FBXW4: variants seen among roughly 807,000 people sequenced by gnomAD.
FBXW4 encodes the protein F-box/WD repeat-containing protein 4.
Under a neutral mutation model 61.8 loss-of-function variants are expected in FBXW4, and 40 were observed. The ratio of observed to expected loss-of-function variants is 0.65; its 90% confidence interval spans 0.50 to 0.84. FBXW4 has a LOEUF of 0.84. Among genes scored for constraint, FBXW4 ranks in the 40% least tolerant of loss-of-function variants. The pLI is 0.00. For synonymous variants in FBXW4, 311 were observed against 313.8 expected, an observed-to-expected ratio of 0.99 and a Z score of 0.10; for missense variants, 672 against 753.8, an observed-to-expected ratio of 0.89 and a Z score of 1.27.
chr10:101,694,296 G>T lies in FBXW4; in HGVS notation c.725+85C>A. On this transcript the variant is annotated intron_variant, in intron 1 of 8. Transcript: ENST00000331272. The surrounding 1 kb of genome is among the most constrained non-coding windows in gnomAD (Gnocchi z 6.0). ...AAACTCGGGGTGCGACACGACCCTG[G>T]GCCGACCAGGCCGCGGCGCCCCGCC... The T allele has an allele frequency of 1.6e-6, 2 of 1,273,680 alleles. No homozygotes were observed. The highest frequency in any genetic ancestry group is 2.0e-5 in the South Asian group (1 of 49,222). 78.9% of individuals were successfully genotyped at this position (1,273,680 alleles called of 1,614,324 possible). A position where few individuals can be genotyped will look rare whatever the true frequency, so the allele number is the denominator to read the frequency against.
chr10:101,622,128 A>C (rs1208539039), intron 6 of FBXW4, among the ~76,000 whole-genome samples: 2 of 151,292 alleles, frequency 1.3e-5, no homozygotes, highest in African/African-American at 2.4e-5. Flanking sequence ...AAAAATTTTG[A>C]AAAGACTGAC....
chr10:101,627,391 A>T (rs1467163328), intron 5 of FBXW4, among the ~76,000 whole-genome samples: 2 of 152,172 alleles, frequency 1.3e-5, no homozygotes, highest in Non-Finnish European at 1.5e-5. Flanking sequence ...ATAGTCAAGC[A>T]GATTTTGAGC....
chr10:101,680,022 T>C (rs1453679866), intron 1 of FBXW4, among the ~76,000 whole-genome samples: 3 of 152,192 alleles, frequency 2.0e-5, no homozygotes, highest in African/African-American at 7.2e-5. Flanking sequence ...TCATTTAGGA[T>C]AATGGCCTCC....
At position 101,693,758 on chromosome 10, in the gene FBXW4, T is replaced by C. The variant is rs924087032; in HGVS notation, c.725+623A>G. 1.5e-4 allele frequency among the ~76,000 whole-genome samples: 23 copies of C among 152,088 alleles called. 1 individual carries two copies. Among genetic ancestry groups the C allele is most frequent in the Admixed American group, 4.6e-4 (7 of 15,276 alleles). ...CAGACCCTACCAAAAACAGGCCAAA[T>C]TGCAATACCATGTCTTGTACACATC... On this transcript the variant is annotated intron_variant, in intron 1 of 8. Coordinates refer to ENST00000331272, the MANE Select transcript of FBXW4 (RefSeq NM_022039.4).
intron 6 of FBXW4, among the ~76,000 whole-genome samples, chr10:101,621,050 C>G (rs984202446): frequency 3.3e-5 from 5 of 152,188 alleles, no homozygotes; most frequent in African/African-American, 1.2e-4. Context: ...GTGTGTCATC[C>G]TGGGCCCAGG....
At chr10:101,643,780 AAGG>A (rs2064073455) in intron 5 of FBXW4, among the ~76,000 whole-genome samples, 1 of 152,188 alleles carries the variant, frequency 6.6e-6, no homozygotes, top group South Asian at 2.1e-4. Flanking sequence ...CAATGAGTGG[AAGG>A]AGGAGAAACA....
intron 5 of FBXW4, among the ~76,000 whole-genome samples, chr10:101,642,981 C>G (rs1454666862): frequency 6.6e-6 from 1 of 152,188 alleles, no homozygotes; most frequent in African/African-American, 2.4e-5. Context: ...AACTTCCCTC[C>G]CTGCCATCCT....
intron 6 of FBXW4, among the ~76,000 whole-genome samples, chr10:101,615,225 G>C (rs2063817306): frequency 6.6e-6 from 1 of 152,118 alleles, no homozygotes; most frequent in Non-Finnish European, 1.5e-5. Flanking sequence ...TGCACAGCTT[G>C]TGTGGGAACA....
At chr10:101,612,647 G>A (rs2063797546) in intron 6 of FBXW4, among the ~76,000 whole-genome samples, 170 bp from the exon 7 acceptor site, 1 of 151,998 alleles carries the variant, frequency 6.6e-6, no homozygotes, top group African/African-American at 2.4e-5. Flanking sequence ...CCTCACCCCT[G>A]CCATGAGGCC....
At chr10:101,625,265 G>A (rs1180865830) in intron 5 of FBXW4, 1 of 191,854 alleles carries the variant, frequency 5.2e-6, no homozygotes, top group Non-Finnish European at 1.1e-5. Context: ...GGGCATTCCT[G>A]AAGGTTTTAA....
At chr10:101,639,807 A>T (rs1017009785) in intron 5 of FBXW4, among the ~76,000 whole-genome samples, 3 of 152,256 alleles carry the variant, frequency 2.0e-5, no homozygotes, top group Non-Finnish European at 4.4e-5. Context: ...GGATAAAGCC[A>T]TGGCAGCACT....
chr10:101,642,351 G>C (rs1475600407), intron 5 of FBXW4, among the ~76,000 whole-genome samples: 1 of 150,846 alleles, frequency 6.6e-6, no homozygotes, highest in East Asian at 1.9e-4. Context: ...AAGAGTTCAA[G>C]ACCAACCTGG....
chr10:101,634,105 T>G (rs2063981583), intron 5 of FBXW4, among the ~76,000 whole-genome samples: 1 of 151,138 alleles, frequency 6.6e-6, no homozygotes, highest in Non-Finnish European at 1.5e-5. Context: ...AGAGCAAGAC[T>G]CCGTCTCAAA....
At chr10:101,691,064 G>A (rs1324498269) in intron 1 of FBXW4, among the ~76,000 whole-genome samples, 1 of 151,898 alleles carries the variant, frequency 6.6e-6, no homozygotes, top group Admixed American at 6.6e-5. Flanking sequence ...TAAAACCTAG[G>A]GCCAGTGAGG....
chr10:101,692,746 C>CAAAA (rs61631625), intron 1 of FBXW4, among the ~76,000 whole-genome samples: 26 of 85,136 alleles, frequency 3.1e-4, no homozygotes, highest in Middle Eastern at 6.7e-3. Flanking sequence ...AACTCCGTCT[C>CAAAA]AAAAAAAAAA....
chr10:101,629,761 G>C (rs192617876), intron 5 of FBXW4, among the ~76,000 whole-genome samples: 8 of 151,772 alleles, frequency 5.3e-5, no homozygotes, highest in Non-Finnish European at 1.0e-4. Flanking sequence ...CACTTCAAGA[G>C]TTAGTCTTGT....
intron 5 of FBXW4, among the ~76,000 whole-genome samples, chr10:101,635,022 AG>A (rs80229203): frequency 0.18 from 26,577 of 148,904 alleles, 4,206 homozygotes; most frequent in Non-Finnish European, 0.23. Context: ...GTTAGCAACC[AG>A]GACGCACAGT....
At chr10:101,628,166 TA>T (rs2063922206) in intron 5 of FBXW4, 1 of 165,216 alleles carries the variant, frequency 6.1e-6, no homozygotes, top group Admixed American at 6.5e-5. Context: ...TTTTCCCCAC[TA>T]AAGGCCTTTG....
intron 6 of FBXW4, among the ~76,000 whole-genome samples, chr10:101,616,944 C>T (rs1379465457): frequency 6.6e-6 from 1 of 152,246 alleles, no homozygotes; most frequent in African/African-American, 2.4e-5. Context: ...AAAGGCAGAG[C>T]TCCTGGAAAT....
Sources: allele counts gnomAD v4.1 joint callset (sites outside exome capture counted in the v4.1 genomes callset), GRCh38; gene constraint gnomAD v4.1.1; non-coding constraint Gnocchi (gnomAD v3.1); transcripts MANE v1.5; gene names NCBI Gene and HGNC (gene_info 2026-07-23, HGNC 2026-07-21).